The following ADAMTS16 variants were observed in gnomAD, a reference collection of about 807,000 sequenced individuals.
ADAMTS16 encodes ADAM metallopeptidase with thrombospondin type 1 motif 16.
In ADAMTS16, 94 loss-of-function variants were observed where a neutral mutation model predicts 145.8. That is an observed-to-expected ratio of 0.64 (90% CI 0.55 to 0.77). The LOEUF is 0.77. Among genes scored for constraint, ADAMTS16 ranks in the 30% least tolerant of loss-of-function variants. ADAMTS16 has a pLI of 0.00. For synonymous variants in ADAMTS16, 659 were observed against 604.3 expected (o/e 1.09, Z -1.33); for missense variants, 1,585 against 1,591.5 (o/e 1.00, Z 0.07).
In ADAMTS16 at chr5:5,318,202, C is replaced by A; in HGVS notation, c.3480C>A (p.Ala1160=). 6.4e-7 allele frequency: 1 copy of A among 1,567,996 alleles called. No homozygotes were observed. The highest frequency in any genetic ancestry group is 8.7e-7 in the Non-Finnish European group (1 of 1,152,674). The part of the protein sequence containing the change: ...SVQCLAGGRP[A]SGCLLHQKPS... ...AGTGCCTGGCTGGGGGCCGGCCGGC[C>A]TCAGGCTGCCTCCTGCACCAGAAGC... The change falls in exon 22 of 23, where the codon GCC becomes GCA. Residue 1160 remains alanine (A), a synonymous_variant. Coordinates refer to ENST00000274181, the MANE Select transcript of ADAMTS16 (RefSeq NM_139056.4).
rs558579464 is a variant in ADAMTS16 at position 5,261,329 on chromosome 5, G to A, written c.2663-1328G>A. Reference sequence around the variant, plus strand: ...ATCTTTGTATTTTTTGTAGAGATGGGGTTTCGCCACATTGCCCAGGCTGGT... The same window carrying A: ...ATCTTTGTATTTTTTGTAGAGATGGAGTTTCGCCACATTGCCCAGGCTGGT... On this transcript the variant is annotated intron_variant, in intron 17 of 22. Coordinates refer to ENST00000274181, the MANE Select transcript of ADAMTS16 (RefSeq NM_139056.4). Among the ~76,000 whole-genome samples, 17 of 152,086 alleles carry A rather than the reference G, an allele frequency of 1.1e-4. No individual in the cohort carries two copies. In the South Asian group the frequency reaches 2.9e-3, roughly 26 times the overall value.
intron 3 of ADAMTS16, among the ~76,000 whole-genome samples, chr5:5,151,235 T>C (rs1734447467): frequency 6.6e-6 from 1 of 151,020 alleles, no homozygotes; most frequent in Admixed American, 6.6e-5. Flanking sequence ...TATTTATTTA[T>C]TTATTTATTT....
chr5:5,182,624 TC>T (rs1317875151), intron 4 of ADAMTS16, among the ~76,000 whole-genome samples: 1 of 152,174 alleles, frequency 6.6e-6, no homozygotes, highest in African/African-American at 2.4e-5. Context: ...CACTACTCAG[TC>T]ATTCTATATT....
chr5:5,220,156 CTTT>C (rs11323873), intron 10 of ADAMTS16, among the ~76,000 whole-genome samples: 6 of 118,232 alleles, frequency 5.1e-5, no homozygotes, highest in African/African-American at 1.4e-4. Context: ...AATAATTTAA[CTTT>C]TTTTTTTTTT....
At chr5:5,186,302 G>GGT (rs58412113) in intron 5 of ADAMTS16, 51 bp downstream of exon 5, 6 of 851,362 alleles carry the variant, frequency 7.0e-6, no homozygotes, top group Middle Eastern at 2.5e-4. Flanking sequence ...ACTTCGTAGG[G>GGT]TGTGTGTGTG....
At chr5:5,146,037 G>A (rs1299305436) in intron 2 of ADAMTS16, 93 bp from the exon 3 acceptor site, 1 of 1,109,786 alleles carries the variant, frequency 9.0e-7, no homozygotes, top group Non-Finnish European at 1.3e-6. Flanking sequence ...GGGTGGAAAG[G>A]TCATGTGGTA....
chr5:5,254,761 C>A (rs937896028), intron 17 of ADAMTS16, among the ~76,000 whole-genome samples: 2 of 152,048 alleles, frequency 1.3e-5, no homozygotes, highest in African/African-American at 2.4e-5. Context: ...TGATTTATTT[C>A]TTTCTAATAT....
chr5:5,215,438 T>C lies in ADAMTS16; in HGVS notation c.1605+6192T>C, dbSNP rs181479920. Among the ~76,000 whole-genome samples the C allele has an allele frequency of 4.6e-4, 70 of 152,202 alleles. 1 individual carries two copies. In the East Asian group the frequency reaches 0.013, roughly 27 times the overall value. ...GATTTGTGAGATTTTGGTGTACCCA[T>C]CACCCAAGCAGTATACACTGCACCA... On this transcript the variant is annotated intron_variant, in intron 10 of 22. Coordinates refer to ENST00000274181, the MANE Select transcript of ADAMTS16 (RefSeq NM_139056.4).
chr5:5,277,189 T>A (rs1458822353), intron 18 of ADAMTS16, among the ~76,000 whole-genome samples: 1 of 152,186 alleles, frequency 6.6e-6, no homozygotes. Flanking sequence ...TTTAAAAGAA[T>A]AGTCAAATGT....
intron 18 of ADAMTS16, among the ~76,000 whole-genome samples, chr5:5,270,676 G>A (rs2126450716): frequency 6.6e-6 from 1 of 152,294 alleles, no homozygotes; most frequent in South Asian, 2.1e-4. Flanking sequence ...ATTGAGTTGG[G>A]AACATAGATT....
At position 5,168,601 on chromosome 5, in the gene ADAMTS16, ATAAT is replaced by A. The variant is rs1255631266; in HGVS notation, c.502-13440_502-13437del. Among the ~76,000 whole-genome samples, 97 of 127,132 alleles carry A rather than the reference ATAAT, an allele frequency of 7.6e-4. 1 individual carries two copies. The highest frequency in any genetic ancestry group is 2.7e-3 in the African/African-American group (92 of 34,050). 83.4% of individuals were successfully genotyped at this position (127,132 alleles called of 152,430 possible). On this transcript the variant is annotated intron_variant, in intron 3 of 22. Transcript: ENST00000274181. The stretch of plus-strand genomic sequence containing the variant: ...ATATATATTATATTATATATAATAT[ATAAT>A]TATATTTTTATATATTATATTATAT...
At position 5,235,027 on chromosome 5, in the gene ADAMTS16, G is replaced by C. The variant is rs751787617; in HGVS notation, c.1864G>C (p.Gly622Arg). The change falls in exon 13 of 23, where the codon GGG (glycine) becomes CGG (arginine). Residue 622 changes from glycine (G) to arginine (R), a missense_variant. Around this residue, in one of 3 missense-constraint regions of ADAMTS16, gnomAD observed 834 missense variants for 811.7 expected, o/e 1.03. Coordinates refer to ENST00000274181, the MANE Select transcript of ADAMTS16 (RefSeq NM_139056.4). ...LCTNPKPSHG[G>R]KFCEGSTRTL... ...TACACATTCCAGGCCATCGCATGGAGGGAAGTTCTGTGAGGGCTCCACTCG... is the reference window on the plus strand; with the variant it reads ...TACACATTCCAGGCCATCGCATGGACGGAAGTTCTGTGAGGGCTCCACTCG... The C allele has an allele frequency of 6.3e-7, 1 of 1,580,408 alleles. No homozygotes were observed. The highest frequency in any genetic ancestry group is 8.7e-7 in the Non-Finnish European group (1 of 1,155,498).
chr5:5,271,386 G>T (rs1738467918), intron 18 of ADAMTS16, among the ~76,000 whole-genome samples: 1 of 152,252 alleles, frequency 6.6e-6, no homozygotes, highest in African/African-American at 2.4e-5. Flanking sequence ...TGCAGCCTGT[G>T]GCTCCCGCTC....
chr5:5,152,148 T>C (rs965052178), intron 3 of ADAMTS16, among the ~76,000 whole-genome samples: 2 of 152,240 alleles, frequency 1.3e-5, no homozygotes, highest in Non-Finnish European at 2.9e-5. Flanking sequence ...CACATTCTGC[T>C]CCAAATAATT....
At chr5:5,279,870 T>C (rs1738830800) in intron 18 of ADAMTS16, among the ~76,000 whole-genome samples, 1 of 150,408 alleles carries the variant, frequency 6.6e-6, no homozygotes, top group Non-Finnish European at 1.5e-5. Context: ...TTATTTTCCT[T>C]CCCTCCCTCC....
intron 18 of ADAMTS16, among the ~76,000 whole-genome samples, chr5:5,282,129 T>C (rs372969370): frequency 0.24 from 1,738 of 7,172 alleles, 40 homozygotes; most frequent in African/African-American, 0.3. Context: ...CCTTGATGCA[T>C]AACTGTCACG....
At chr5:5,264,169 G>T (rs895034856) in intron 18 of ADAMTS16, among the ~76,000 whole-genome samples, 1 of 152,112 alleles carries the variant, frequency 6.6e-6, no homozygotes, top group Non-Finnish European at 1.5e-5. Context: ...TATTGAGAAA[G>T]AACCAATCGG....
Position 5,209,587 on chromosome 5 carries a change from A to G in ADAMTS16, c.1605+341A>G, listed in dbSNP as rs78987171. On this transcript the variant is annotated intron_variant, in intron 10 of 22. Transcript: ENST00000274181. ...TTTTTAAATGATTTTAAAAAAACGA[A>G]GTCCCCCTCCTCTCTCCCAATATAA... Among the ~76,000 whole-genome samples, 1,172 of 152,294 alleles carry G rather than the reference A, an allele frequency of 7.7e-3. 17 individuals carry two copies. The highest frequency in any genetic ancestry group is 0.026 in the African/African-American group (1,075 of 41,550).
At chr5:5,209,994 C>A (rs973719247) in intron 10 of ADAMTS16, among the ~76,000 whole-genome samples, 1 of 152,194 alleles carries the variant, frequency 6.6e-6, no homozygotes, top group South Asian at 2.1e-4. Context: ...CAACTTAAAT[C>A]TAACGTGATA....
Sources: gnomAD v4.1 joint callset for allele counts (sites outside exome capture counted in the v4.1 genomes callset) on GRCh38, gnomAD v4.1.1 for gene constraint, gnomAD v4.1.1 regional missense constraint, MANE v1.5 for transcripts, NCBI Gene and HGNC (gene_info 2026-07-23, HGNC 2026-07-21) for gene names.